The following DOCK2 variants were observed in gnomAD, a reference collection of about 807,000 sequenced individuals.
DOCK2 encodes the protein dedicator of cytokinesis 2, also known as dedicator of cytokinesis protein 2.
Under a neutral mutation model 248.9 loss-of-function variants are expected in DOCK2, and 87 were observed. The ratio of observed to expected loss-of-function variants is 0.35; its 90% CI spans 0.29 to 0.42. The LOEUF (loss-of-function observed/expected upper bound fraction) is 0.42, where lower values mean the gene tolerates loss of function less well. Ranked by LOEUF, DOCK2 falls within the 10% of genes least tolerant of loss-of-function variation. The probability of loss-of-function intolerance (pLI) is 1.00; values close to 1 mark genes in which losing one functional copy is unlikely to be tolerated. For synonymous variants in DOCK2, 805 were observed against 821.6 expected (o/e 0.98, Z 0.35); for missense variants, 1,747 against 2,300.2 (o/e 0.76, Z 4.92).
chr5:169,904,470 TG>T (rs776373409), intron 27 of DOCK2, among the ~76,000 whole-genome samples: 1 of 151,868 alleles, frequency 6.6e-6, no homozygotes, highest in Non-Finnish European at 1.5e-5. Flanking sequence ...TTCCCTTTAA[TG>T]GGGGTGGTGG....
intron 26 of DOCK2, among the ~76,000 whole-genome samples, chr5:169,825,808 A>T (rs146989891): frequency 3.9e-4 from 58 of 149,670 alleles, no homozygotes; most frequent in African/African-American, 1.4e-3. Flanking sequence ...GAAAATATTG[A>T]AACGTTTGCA....
chr5:169,973,894 C>A (rs1297467021), intron 27 of DOCK2, among the ~76,000 whole-genome samples: 1 of 152,152 alleles, frequency 6.6e-6, no homozygotes. Flanking sequence ...GTTAATTTAT[C>A]CATCTGTCCA....
rs549978787 is a variant in DOCK2 at position 169,961,887 on chromosome 5, G to A, written c.2800-21181G>A. On this transcript the variant is annotated intron_variant, in intron 27 of 51. Transcript: ENST00000520908. ...CCAGCTACTCAGGAGGCTGAGGCAG[G>A]AGAATCACTTGAACCCAGGAGGCGG... 2.0e-5 allele frequency among the ~76,000 whole-genome samples: 3 copies of A among 147,430 alleles called. No homozygotes were observed. In the Admixed American group the frequency reaches 2.1e-4, roughly 10 times the overall value.
intron 1 of DOCK2, among the ~76,000 whole-genome samples, chr5:169,645,645 T>C (rs1757418940): frequency 6.6e-6 from 1 of 152,246 alleles, no homozygotes; most frequent in Admixed American, 6.5e-5. Flanking sequence ...TTGTTAATTT[T>C]GGTTTTTGCT....
intron 44 of DOCK2, among the ~76,000 whole-genome samples, chr5:170,059,754 A>T (rs1489855367): frequency 6.6e-6 from 1 of 152,230 alleles, no homozygotes; most frequent in Non-Finnish European, 1.5e-5. Flanking sequence ...TAATCAGTCA[A>T]TCAATATGCA....
At chr5:169,939,586 C>G (rs1776147298) in intron 27 of DOCK2, among the ~76,000 whole-genome samples, 1 of 152,010 alleles carries the variant, frequency 6.6e-6, no homozygotes, top group Non-Finnish European at 1.5e-5. Context: ...ACGGGCAGCA[C>G]AGTATGTTAG....
chr5:170,063,920 C>T (rs996425681), intron 44 of DOCK2, among the ~76,000 whole-genome samples: 3 of 152,166 alleles, frequency 2.0e-5, no homozygotes, highest in African/African-American at 7.2e-5. Context: ...CGCCCATGCT[C>T]AGCTTCACCA....
intron 27 of DOCK2, chr5:169,875,185 T>TAA (rs11390591): frequency 4.4e-6 from 2 of 455,914 alleles, no homozygotes; most frequent in South Asian, 1.6e-5. Context: ...ATTTTTTACC[T>TAA]AAAAAAATCC....
At chr5:170,006,725 C>T (rs889488800) in intron 30 of DOCK2, among the ~76,000 whole-genome samples, 15 of 152,308 alleles carry the variant, frequency 9.8e-5, no homozygotes, top group Admixed American at 5.2e-4. Context: ...GGCCAGGGAT[C>T]GCTGTCTGTG....
At chr5:170,018,234 G>C (rs571699470) in intron 32 of DOCK2, among the ~76,000 whole-genome samples, 1 of 152,202 alleles carries the variant, frequency 6.6e-6, no homozygotes, top group Middle Eastern at 3.2e-3. Flanking sequence ...GCACCCATCT[G>C]GGGGAGGCTG....
At chr5:170,036,429 C>T in intron 35 of DOCK2, 86 bp from the exon 36 acceptor site, 1 of 1,387,778 alleles carries the variant, frequency 7.2e-7, no homozygotes. Context: ...AGACAGCAAT[C>T]TTCCTCTCAT....
intron 6 of DOCK2, among the ~76,000 whole-genome samples, chr5:169,681,139 T>C (rs1030092523): frequency 9.7e-5 from 13 of 134,512 alleles, no homozygotes; most frequent in South Asian, 2.6e-4. Flanking sequence ...TTTTTTTTTT[T>C]CTGAGATGGA....
chr5:169,744,228 A>T (rs1481611786), intron 22 of DOCK2, among the ~76,000 whole-genome samples: 3 of 152,338 alleles, frequency 2.0e-5, no homozygotes, highest in Non-Finnish European at 4.4e-5. Flanking sequence ...TGTGACCTAG[A>T]GCAGATCACT....
chr5:169,782,267 T>A (rs936935682), intron 25 of DOCK2, among the ~76,000 whole-genome samples: 2 of 152,106 alleles, frequency 1.3e-5, no homozygotes, highest in South Asian at 4.1e-4. Flanking sequence ...TCTTCTAGTT[T>A]ATCAGGAGAT....
At chr5:169,801,732 G>A (rs1356443252) in intron 25 of DOCK2, among the ~76,000 whole-genome samples, 2 of 151,916 alleles carry the variant, frequency 1.3e-5, no homozygotes, top group African/African-American at 2.4e-5. Flanking sequence ...TGTAGCTCTT[G>A]GGCTGACAGA....
chr5:169,767,223 G>A (rs537942844), intron 25 of DOCK2, among the ~76,000 whole-genome samples: 4 of 152,230 alleles, frequency 2.6e-5, no homozygotes, highest in South Asian at 2.1e-4. Context: ...TCCTTTGTCC[G>A]CTTTTTAATG....
intron 22 of DOCK2, among the ~76,000 whole-genome samples, chr5:169,740,378 C>T (rs910092916): frequency 6.6e-6 from 1 of 152,112 alleles, no homozygotes; most frequent in Non-Finnish European, 1.5e-5. Flanking sequence ...TCATTCTAGA[C>T]ATTTTTCAAA....
chr5:169,693,539 T>C (rs549451416), intron 9 of DOCK2, among the ~76,000 whole-genome samples: 1 of 152,080 alleles, frequency 6.6e-6, no homozygotes, highest in African/African-American at 2.4e-5. Flanking sequence ...GATTTCAGGA[T>C]GGTTTGGAGG....
intron 24 of DOCK2, 68 bp from the exon 25 acceptor site, chr5:169,761,451 G>A: frequency 7.5e-7 from 1 of 1,330,412 alleles, no homozygotes; most frequent in Non-Finnish European, 1.1e-6. Context: ...GGGATGGACT[G>A]TAAGTGCTAT....
Sources: allele counts gnomAD v4.1 joint callset (sites outside exome capture counted in the v4.1 genomes callset), GRCh38; gene constraint gnomAD v4.1.1; transcripts MANE v1.5; gene names NCBI Gene and HGNC (gene_info 2026-07-23, HGNC 2026-07-21).